Variants in NSUN4 observed in about 807,000 individuals in gnomAD.
NSUN4 encodes NOP2/Sun RNA methyltransferase 4.
Under a neutral mutation model 43.8 loss-of-function variants are expected in NSUN4, and 31 were observed. The observed-to-expected ratio is 0.71, with a 90% CI of 0.53 to 0.96. NSUN4 has a LOEUF of 0.96. NSUN4 is among the 40% of genes least tolerant of loss of function. The pLI is 0.00. For synonymous variants in NSUN4, 167 were observed against 184.1 expected (o/e 0.91, Z 0.75); for missense variants, 439 against 475.6 (o/e 0.92, Z 0.72).
intron 2 of NSUN4, among the ~76,000 whole-genome samples, chr1:46,346,176 T>C (rs966698651): frequency 6.8e-6 from 1 of 147,922 alleles, no homozygotes; most frequent in South Asian, 2.2e-4. Flanking sequence ...AAAAATTATC[T>C]ACCAAATGCT....
intron 1 of NSUN4, chr1:46,342,702 C>T: frequency 5.0e-6 from 2 of 399,306 alleles, no homozygotes; most frequent in East Asian, 3.6e-5. Flanking sequence ...CCAGTCACTT[C>T]CCCGCAGAAG....
At chr1:46,372,297 C>T in the NSUN4 span, among the ~76,000 whole-genome samples, 45 of 151,978 alleles carry the variant, frequency 3.0e-4, no homozygotes, top group South Asian at 1.9e-3. Context: ...CCCACCACCA[C>T]GCCCGGCTGG....
intron 2 of NSUN4, among the ~76,000 whole-genome samples, chr1:46,346,420 C>T (rs1241198108): frequency 6.6e-6 from 1 of 151,748 alleles, no homozygotes; most frequent in East Asian, 1.9e-4. Flanking sequence ...GGCATGGTGG[C>T]ACAAGCCTGT....
chr1:46,351,681 T>TTG (rs1553177048), intron 3 of NSUN4, among the ~76,000 whole-genome samples: 6 of 127,600 alleles, frequency 4.7e-5, no homozygotes, highest in South Asian at 2.4e-4. Flanking sequence ...TTTTTTTTTT[T>TTG]TGAGATGGAG....
chr1:46,379,026 G>C, the NSUN4 span, among the ~76,000 whole-genome samples: 1 of 152,192 alleles, frequency 6.6e-6, no homozygotes, highest in Non-Finnish European at 1.5e-5. Context: ...CATGGGTAGG[G>C]AAATAGACTC....
intron 3 of NSUN4, among the ~76,000 whole-genome samples, chr1:46,351,471 C>T (rs1463251492): frequency 6.6e-6 from 1 of 152,004 alleles, no homozygotes; most frequent in East Asian, 1.9e-4. Flanking sequence ...ACTGTAGTAT[C>T]TACCAAAGAT....
At chr1:46,378,433 G>A in the NSUN4 span, among the ~76,000 whole-genome samples, 5 of 152,162 alleles carry the variant, frequency 3.3e-5, no homozygotes, top group Non-Finnish European at 7.3e-5. Context: ...CAGACCTCAA[G>A]TGATCCTCCC....
intron 4 of NSUN4, among the ~76,000 whole-genome samples, chr1:46,356,481 A>T (rs934843118): frequency 6.6e-6 from 1 of 152,110 alleles, no homozygotes; most frequent in African/African-American, 2.4e-5. Flanking sequence ...TCACGAGGTC[A>T]GGAGATGGAG....
At chr1:46,349,221 A>G (rs5013324) in intron 3 of NSUN4, among the ~76,000 whole-genome samples, 33,890 of 143,296 alleles carry the variant, frequency 0.24, 4,278 homozygotes, top group Non-Finnish European at 0.3. Flanking sequence ...CTCACTGCAA[A>G]CTCCGCCTCC....
chr1:46,372,302 G>A, the NSUN4 span, among the ~76,000 whole-genome samples: 79 of 151,578 alleles, frequency 5.2e-4, no homozygotes, highest in Admixed American at 1.3e-3. Flanking sequence ...CACCACGCCC[G>A]GCTGGTTTTT....
the NSUN4 span, among the ~76,000 whole-genome samples, chr1:46,374,214 A>C: frequency 7.6e-6 from 1 of 131,290 alleles, no homozygotes. Flanking sequence ...TGAACCTGGG[A>C]GGCGGAGGAT....
At chr1:46,359,779 A>T (rs187914923) in intron 4 of NSUN4, among the ~76,000 whole-genome samples, 1,596 of 151,948 alleles carry the variant, frequency 0.011, 29 homozygotes, top group African/African-American at 0.036. Flanking sequence ...TAATTAAAAA[A>T]TTTTTTTTGT....
chr1:46,346,253 T>C (rs901103557), intron 2 of NSUN4, among the ~76,000 whole-genome samples: 3 of 151,586 alleles, frequency 2.0e-5, no homozygotes, highest in African/African-American at 7.3e-5. Context: ...AGACAGCTAT[T>C]TAAAAACAAT....
the NSUN4 span, among the ~76,000 whole-genome samples, chr1:46,376,095 C>CT: frequency 2.4e-4 from 2 of 8,302 alleles, no homozygotes; most frequent in African/African-American, 3.6e-4. Flanking sequence ...AAGAGCGAAA[C>CT]TAAAAAAAAA....
Position 46,360,812 on chromosome 1 carries a change from CAA to C in NSUN4, c.863_864del (p.Gln288ArgfsTer38), listed in dbSNP as rs779778978. 1 of 1,613,896 alleles carries C rather than the reference CAA, an allele frequency of 6.2e-7. No individual in the cohort carries two copies. ...GGAGCGACAGATATTGCCTGTGCTG[CAA>C]GTGCAGCTTCTTGCGTGAGTGACAG... is the stretch of plus-strand genomic sequence containing the variant. ...KKERQILPVL[Q>X]VQLLAAGLLA... On this transcript the variant is annotated frameshift_variant, in exon 5 of 6. Transcript: ENST00000474844. LOFTEE classifies it high-confidence loss of function.
At position 46,347,024 on chromosome 1, in the gene NSUN4, T is replaced by C. The variant is rs1662557994; in HGVS notation, c.541T>C (p.Cys181Arg). Reference sequence around the variant, plus strand: ...GCCTGGGGACATCGTGCTTGACCTATGTGCAGCTCCTGGGGGAAAGACACT... The same window carrying C: ...GCCTGGGGACATCGTGCTTGACCTACGTGCAGCTCCTGGGGGAAAGACACT... ...LQPGDIVLDL[C>R]AAPGGKTLAL... is the part of the protein sequence containing the mutation. The change falls in exon 3 of 6, where the codon TGT (cysteine) becomes CGT (arginine). Residue 181 changes from cysteine (C) to arginine (R), a missense_variant. Coordinates refer to ENST00000474844, the MANE Select transcript of NSUN4 (RefSeq NM_199044.4). The C allele has an allele frequency of 2.5e-6, 4 of 1,614,202 alleles. No homozygotes were observed. Among genetic ancestry groups the C allele is most frequent in the Non-Finnish European group, 3.4e-6 (4 of 1,180,024 alleles).
At chr1:46,352,249 C>T (rs1312526410) in intron 3 of NSUN4, among the ~76,000 whole-genome samples, 1 of 151,066 alleles carries the variant, frequency 6.6e-6, no homozygotes, top group African/African-American at 2.4e-5. Context: ...GTCAGGAGTT[C>T]AAGACCAGCC....
downstream of NSUN4, among the ~76,000 whole-genome samples, chr1:46,367,774 T>C (rs945647285): frequency 5.2e-3 from 779 of 151,260 alleles, 7 homozygotes; most frequent in Non-Finnish European, 9.4e-3. Flanking sequence ...TTTTTTTTTT[T>C]TTTTTTTTTT....
chr1:46,341,785 C>A (rs1218968069), intron 1 of NSUN4: 11 of 1,232,380 alleles, frequency 8.9e-6, no homozygotes, highest in Non-Finnish European at 1.1e-5. Flanking sequence ...TTCAGCATTC[C>A]GGGGTCACCC....
Sources: gnomAD v4.1 joint callset for allele counts (sites outside exome capture counted in the v4.1 genomes callset) on GRCh38, gnomAD v4.1.1 for gene constraint, MANE v1.5 for transcripts, NCBI Gene and HGNC (gene_info 2026-07-23, HGNC 2026-07-21) for gene names.